The following NAT1 variants were observed in gnomAD, a reference collection of about 807,000 sequenced individuals.
NAT1 encodes the protein arylamine N-acetyltransferase 1.
For synonymous variants in NAT1, 144 were observed against 122.6 expected, an observed-to-expected ratio of 1.17 and a Z score of -1.16; for missense variants, 400 against 339.2, an observed-to-expected ratio of 1.18 and a Z score of -1.41.
Position 18,204,190 on chromosome 8 carries a change from A to C in NAT1, n.93-5591A>C, listed in dbSNP as rs191781455. Among the ~76,000 whole-genome samples, 802 of 149,994 alleles carry C rather than the reference A, an allele frequency of 5.3e-3. 12 individuals are homozygous for C. The highest frequency in any genetic ancestry group is 0.019 in the African/African-American group (765 of 39,484). ...CTCTCTCTCTCTCTCTCTCTCGCAA[A>C]GAGCTGCTCTCCCATATCCTTTTTC... On this transcript the variant is annotated intron_variant and non_coding_transcript_variant, in intron 2 of 4. Transcript: ENST00000517441.
intron 2 of NAT1, among the ~76,000 whole-genome samples, chr8:18,185,139 G>A (rs532609385): frequency 2.7e-4 from 41 of 152,180 alleles, no homozygotes; most frequent in Middle Eastern, 3.4e-3. Context: ...GGGAATGTCC[G>A]TATCAAGTTT....
intron 2 of NAT1, among the ~76,000 whole-genome samples, chr8:18,178,766 G>C (rs1363840959): frequency 1.3e-5 from 2 of 152,160 alleles, no homozygotes; most frequent in African/African-American, 2.4e-5. Flanking sequence ...ACAGATGAGT[G>C]AGTGTTAGGA....
At chr8:18,195,643 A>G (rs1177699659) in intron 2 of NAT1, among the ~76,000 whole-genome samples, 1 of 152,150 alleles carries the variant, frequency 6.6e-6, no homozygotes, top group African/African-American at 2.4e-5. Context: ...TAAAATTTGG[A>G]AAGTACATAA....
chr8:18,191,063 AAAAAAAAAG>A (rs1223786255), intron 2 of NAT1, among the ~76,000 whole-genome samples: 3 of 8,762 alleles, frequency 3.4e-4, no homozygotes, highest in Admixed American at 1.1e-3. Context: ...AGACTGTCCA[AAAAAAAAAG>A]AAAAAAAAGA....
At position 18,196,983 on chromosome 8, in the gene NAT1, T is replaced by C. The variant is rs551368364; in HGVS notation, n.93-12798T>C. On this transcript the variant is annotated intron_variant and non_coding_transcript_variant, in intron 2 of 4. Transcript: ENST00000517441. ...GAAAGAGGTTTCGTTGACTCACAGC[T>C]CTGCAGGCGTTAACGGGAAGCATGG... Among the ~76,000 whole-genome samples the C allele has an allele frequency of 3.9e-5, 6 of 152,266 alleles. No individual in the cohort carries two copies. In the South Asian group the frequency reaches 1.2e-3, roughly 32 times the overall value.
chr8:18,180,135 T>C (rs565467342), intron 2 of NAT1, among the ~76,000 whole-genome samples: 10 of 152,160 alleles, frequency 6.6e-5, no homozygotes, highest in African/African-American at 9.6e-5. Flanking sequence ...AGGGAACTCA[T>C]TGAAACCCCA....
intron 2 of NAT1, among the ~76,000 whole-genome samples, chr8:18,198,754 G>C (rs920267000): frequency 6.6e-6 from 1 of 151,968 alleles, no homozygotes; most frequent in Non-Finnish European, 1.5e-5. Flanking sequence ...CACCTCACAT[G>C]GTGACCATTT....
chr8:18,212,127 C>T (rs950413765), intron 1 of NAT1: 2 of 152,176 alleles, frequency 1.3e-5, no homozygotes, highest in African/African-American at 4.8e-5. Flanking sequence ...ATATTTAACA[C>T]ACATCGATTC....
intron 2 of NAT1, among the ~76,000 whole-genome samples, chr8:18,189,463 T>A (rs1802891848): frequency 6.6e-6 from 1 of 152,048 alleles, no homozygotes; most frequent in African/African-American, 2.4e-5. Context: ...AAAAAGCACG[T>A]GTAATAATAT....
chr8:18,178,073 T>G (rs948412903), intron 2 of NAT1, among the ~76,000 whole-genome samples: 1 of 152,072 alleles, frequency 6.6e-6, no homozygotes, highest in Admixed American at 6.6e-5. Context: ...TTAGGTCACA[T>G]GATTGGAGTC....
upstream of NAT1, among the ~76,000 whole-genome samples, chr8:18,205,620 C>T (rs900033869): frequency 3.3e-5 from 5 of 152,156 alleles, no homozygotes; most frequent in African/African-American, 1.2e-4. Context: ...TGCACACATA[C>T]TCGCCTGCTG....
At chr8:18,192,639 A>G (rs1158407622) in intron 2 of NAT1, among the ~76,000 whole-genome samples, 2 of 152,108 alleles carry the variant, frequency 1.3e-5, no homozygotes, top group African/African-American at 2.4e-5. Flanking sequence ...GCACATATAC[A>G]CCATGGAATA....
At chr8:18,213,596 T>G (rs184698436) in intron 1 of NAT1, among the ~76,000 whole-genome samples, 1 of 152,192 alleles carries the variant, frequency 6.6e-6, no homozygotes, top group Admixed American at 6.5e-5. Flanking sequence ...AAACATTTTA[T>G]AAAAGTTTCT....
At chr8:18,209,016 G>A (rs1172901122), upstream of NAT1, among the ~76,000 whole-genome samples, 1 of 152,216 alleles carries the variant, frequency 6.6e-6, no homozygotes, top group East Asian at 1.9e-4. Flanking sequence ...TCAATAAAGG[G>A]TGCATCATTG....
intron 2 of NAT1, among the ~76,000 whole-genome samples, chr8:18,197,107 T>G (rs1803266324): frequency 6.6e-6 from 1 of 152,118 alleles, no homozygotes; most frequent in African/African-American, 2.4e-5. Context: ...TCATGAGAAC[T>G]AACTCACTAT....
intron 2 of NAT1, among the ~76,000 whole-genome samples, chr8:18,197,037 C>T (rs951604814): frequency 2.6e-5 from 4 of 152,096 alleles, no homozygotes; most frequent in Non-Finnish European, 5.9e-5. Context: ...CTTAAAACCA[C>T]GGCGGAAGGC....
At chr8:18,185,735 T>A (rs550827646) in intron 2 of NAT1, among the ~76,000 whole-genome samples, 13 of 152,290 alleles carry the variant, frequency 8.5e-5, no homozygotes, top group African/African-American at 3.1e-4. Flanking sequence ...ATATTTTAGA[T>A]CTTTATTTTT....
chr8:18,210,786 T>G (rs184486450), intron 1 of NAT1, among the ~76,000 whole-genome samples: 85 of 152,218 alleles, frequency 5.6e-4, no homozygotes, highest in Middle Eastern at 3.4e-3. Flanking sequence ...GAAGTTTTTG[T>G]TTTTTTGAGG....
At chr8:18,181,642 A>C (rs1370762317) in intron 2 of NAT1, among the ~76,000 whole-genome samples, 1 of 152,170 alleles carries the variant, frequency 6.6e-6, no homozygotes, top group Non-Finnish European at 1.5e-5. Flanking sequence ...AAGTGGGCAT[A>C]CTTGTCTTGT....
Sources: allele counts gnomAD v4.1 joint callset (sites outside exome capture counted in the v4.1 genomes callset), GRCh38; gene constraint gnomAD v4.1.1; transcripts MANE v1.5; gene names NCBI Gene and HGNC (gene_info 2026-07-23, HGNC 2026-07-21).